The following OTOGL variants were observed in gnomAD, a reference collection of about 807,000 sequenced individuals.
OTOGL encodes the protein otogelin like, also known as otogelin-like protein.
A neutral mutation model predicts 318.5 loss-of-function variants in OTOGL; 285 were observed. The observed-to-expected ratio is 0.89, with a 90% confidence interval of 0.81 to 0.99. The LOEUF (loss-of-function observed/expected upper bound fraction) is 0.99, where lower values mean the gene tolerates loss of function less well. Ranked by LOEUF, OTOGL falls within the 50% of genes least tolerant of loss-of-function variation. The probability of loss-of-function intolerance (pLI) is 0.00; values close to 1 mark genes in which losing one functional copy is unlikely to be tolerated. For synonymous variants in OTOGL, 987 were observed against 936.5 expected (o/e 1.05, Z -0.99); for missense variants, 2,899 against 2,845.6 (o/e 1.02, Z -0.43).
rs977373201 is a variant in OTOGL at position 80,380,436 on chromosome 12, C to T, written c.*2388C>T. 1.3e-5 allele frequency: 2 copies of T among 151,666 alleles called. No homozygotes were observed. The highest frequency in any genetic ancestry group is 4.8e-5 in the African/African-American group (2 of 41,332). 9.4% of individuals were successfully genotyped at this position (151,666 alleles called of 1,614,324 possible). ...AATAACAAAAGGAAAAAATTAACAA[C>T]CTGATAGAAAAATGAGCCAAAGATA... On this transcript the variant is annotated 3_prime_UTR_variant, in exon 59 of 59. Transcript: ENST00000547103.
intron 1 of OTOGL, chr12:80,132,538 T>C (rs1436799810): frequency 6.6e-6 from 1 of 152,212 alleles, no homozygotes; most frequent in Non-Finnish European, 1.5e-5. Flanking sequence ...CTTCATACCC[T>C]TCCCTAGAGG....
intron 31 of OTOGL, among the ~76,000 whole-genome samples, chr12:80,314,041 T>G (rs1037982942): frequency 1.3e-5 from 2 of 152,138 alleles, no homozygotes; most frequent in Admixed American, 1.3e-4. Context: ...TGGTAAGATA[T>G]CTGAACAAAC....
chr12:80,149,631 G>A (rs1299371277), intron 1 of OTOGL, among the ~76,000 whole-genome samples: 1 of 152,060 alleles, frequency 6.6e-6, no homozygotes, highest in African/African-American at 2.4e-5. Context: ...GTTTACCTAA[G>A]CAAGCCTGGG....
At chr12:80,207,513 T>C (rs1442075030) in intron 1 of OTOGL, among the ~76,000 whole-genome samples, 1 of 152,150 alleles carries the variant, frequency 6.6e-6, no homozygotes, top group Non-Finnish European at 1.5e-5. Flanking sequence ...CCCTGACTTT[T>C]GGAAATTTTT....
In OTOGL at chr12:80,255,082, AT is replaced by A. The variant is rs1440102306; in HGVS notation, c.1485del (p.Asp495GlufsTer16). On this transcript the variant is annotated frameshift_variant, in exon 16 of 59. Transcript: ENST00000547103. LOFTEE classifies it high-confidence loss of function. ...GGTGATTCTCACTTTACAACTTTTG[AT>A]GGTCGACATTATTCTTTTATTGGCA... ...VVGDSHFTTFDGRHYSFIGMC... is the reference protein window; with the variant it reads ...VVGDSHFTTFXGRHYSFIGMC... 2.0e-6 allele frequency: 3 copies of A among 1,516,262 alleles called. No individual in the cohort carries two copies. Among genetic ancestry groups the A allele is most frequent in the Non-Finnish European group, 2.6e-6 (3 of 1,135,212 alleles). 93.9% of individuals were successfully genotyped at this position (1,516,262 alleles called of 1,614,324 possible).
intron 1 of OTOGL, among the ~76,000 whole-genome samples, chr12:80,151,086 G>A (rs1349359209): frequency 6.6e-6 from 1 of 152,098 alleles, no homozygotes; most frequent in East Asian, 1.9e-4. Flanking sequence ...GCTTATGGAT[G>A]GATTTCCCCA....
intron 1 of OTOGL, among the ~76,000 whole-genome samples, chr12:80,113,212 C>T (rs1050473482): frequency 2.6e-5 from 4 of 151,936 alleles, no homozygotes; most frequent in Non-Finnish European, 2.9e-5. Flanking sequence ...CTCTGGGATT[C>T]GATTGATTTT....
At chr12:80,291,581 T>A (rs902917624) in intron 26 of OTOGL, among the ~76,000 whole-genome samples, 4 of 152,206 alleles carry the variant, frequency 2.6e-5, no homozygotes, top group African/African-American at 7.2e-5. Flanking sequence ...CTTTACTTAC[T>A]ACAGGTCACA....
At chr12:80,194,467 C>A (rs1875907981) in intron 1 of OTOGL, among the ~76,000 whole-genome samples, 1 of 152,106 alleles carries the variant, frequency 6.6e-6, no homozygotes, top group Admixed American at 6.6e-5. Flanking sequence ...CCATAAGTCA[C>A]CAAGAGTAAT....
intron 52 of OTOGL, among the ~76,000 whole-genome samples, chr12:80,361,369 T>C (rs1339404423): frequency 6.6e-6 from 1 of 152,190 alleles, no homozygotes; most frequent in Non-Finnish European, 1.5e-5. Context: ...ACATTTTCTT[T>C]ATCCATTCAT....
Position 80,358,105 on chromosome 12 carries a change from G to A in OTOGL, c.6020-143G>A, listed in dbSNP as rs903767007. 18 of 638,472 alleles carry A rather than the reference G, an allele frequency of 2.8e-5. No homozygotes were observed. In the African/African-American group the frequency reaches 2.9e-4, roughly 10 times the overall value. 39.6% of individuals were successfully genotyped at this position (638,472 alleles called of 1,614,324 possible). On this transcript the variant is annotated intron_variant, in intron 49 of 58. Coordinates refer to ENST00000547103, the MANE Select transcript of OTOGL (RefSeq NM_001378609.3). ...CTCAGACAGTATTATTGTTTTTATG[G>A]CCAAATAAGGAAATATACCTCATGT... is the stretch of plus-strand genomic sequence containing the variant.
At chr12:80,253,088 G>A (rs1362575444) in intron 13 of OTOGL, among the ~76,000 whole-genome samples, 1 of 152,118 alleles carries the variant, frequency 6.6e-6, no homozygotes, top group Non-Finnish European at 1.5e-5. Context: ...AGCTCTTTAT[G>A]ATTCTGTGTG....
rs1891403156 is a variant in OTOGL, at chr12:80,380,736, T to G, written c.*2688T>G. ...AAATGTATACTAATATTAGAAGTGATTTTTGGTTTGACCAAACTGCCTAGA... is the reference window on the plus strand; with the variant it reads ...AAATGTATACTAATATTAGAAGTGAGTTTTGGTTTGACCAAACTGCCTAGA... On this transcript the variant is annotated 3_prime_UTR_variant, in exon 59 of 59. Transcript: ENST00000547103. The G allele has an allele frequency of 2.0e-5, 3 of 152,122 alleles. No individual in the cohort carries two copies. The highest frequency in any genetic ancestry group is 7.2e-5 in the African/African-American group (3 of 41,434). 9.4% of individuals were successfully genotyped at this position (152,122 alleles called of 1,614,324 possible).
intron 52 of OTOGL, 46 bp from the exon 53 acceptor site, chr12:80,366,528 T>TATATATATATAA: frequency 3.0e-6 from 1 of 337,384 alleles, no homozygotes; most frequent in Admixed American, 5.0e-5. Flanking sequence ...TATATATATA[T>TATATATATATAA]ATAAAATAAG....
chr12:80,274,213 C>A (rs552233265), intron 24 of OTOGL, among the ~76,000 whole-genome samples: 1 of 152,042 alleles, frequency 6.6e-6, no homozygotes, highest in Non-Finnish European at 1.5e-5. Flanking sequence ...CAAGCTAGTC[C>A]TTTTGCAACA....
In OTOGL at chr12:80,380,496, A is replaced by G. The variant is rs1891394106; in HGVS notation, c.*2448A>G. ...AGTTGAAAGAAAAATAAGTAAGACT[A>G]GTGGATCCTTTAACAAAAAAGATAA... On this transcript the variant is annotated 3_prime_UTR_variant, in exon 59 of 59. Coordinates refer to ENST00000547103, the MANE Select transcript of OTOGL (RefSeq NM_001378609.3). 1 of 152,078 alleles carries G rather than the reference A, an allele frequency of 6.6e-6. No homozygotes were observed. The highest frequency in any genetic ancestry group is 6.6e-5 in the Admixed American group (1 of 15,260). The allele number at this position is 152,078 out of a possible 1,614,324, so 9.4% of individuals were successfully genotyped here. A position where few individuals can be genotyped will look rare whatever the true frequency, so the allele number is the denominator to read the frequency against.
At chr12:80,366,518 T>A in intron 52 of OTOGL, 56 bp from the exon 53 acceptor site, 1 of 272,478 alleles carries the variant, frequency 3.7e-6, no homozygotes, top group Non-Finnish European at 6.3e-6. Context: ...AGGTTATATA[T>A]ATATATATAT....
intron 1 of OTOGL, among the ~76,000 whole-genome samples, chr12:80,104,629 A>C (rs530417970): frequency 6.6e-6 from 1 of 152,156 alleles, no homozygotes; most frequent in Admixed American, 6.5e-5. Flanking sequence ...GGGTGAGAGC[A>C]GTGTTGTAGG....
At chr12:80,265,702 T>A (rs1412642994) in intron 20 of OTOGL, 1 of 174,122 alleles carries the variant, frequency 5.7e-6, no homozygotes, top group African/African-American at 2.4e-5. Flanking sequence ...TTTAATCAGC[T>A]TATTTTTACC....
Sources: gnomAD v4.1 joint callset for allele counts (sites outside exome capture counted in the v4.1 genomes callset) on GRCh38, gnomAD v4.1.1 for gene constraint, MANE v1.5 for transcripts, NCBI Gene and HGNC (gene_info 2026-07-23, HGNC 2026-07-21) for gene names.